The following NOL4 variants were observed in gnomAD, a reference collection of about 807,000 sequenced individuals.
NOL4 encodes cancer/testis antigen 125.
In NOL4, 17 loss-of-function variants were observed where a neutral mutation model predicts 75.9. The ratio of observed to expected loss-of-function variants is 0.22; its 90% CI spans 0.15 to 0.34. The LOEUF (loss-of-function observed/expected upper bound fraction) is 0.34. Among genes scored for constraint, NOL4 ranks in the 10% least tolerant of loss-of-function variants. NOL4 has a pLI of 1.00. For missense variants in NOL4, 614 were observed against 793.5 expected (o/e 0.77, Z 2.72); for synonymous variants, 292 against 289.9 (o/e 1.01, Z -0.07).
chr18:34,065,731 T>A (rs1361800988), intron 5 of NOL4, among the ~76,000 whole-genome samples: 1 of 151,990 alleles, frequency 6.6e-6, no homozygotes, highest in Middle Eastern at 3.2e-3. Flanking sequence ...TAGTACATAG[T>A]ATAATAACTT....
chr18:33,972,025 G>C (rs949990724), intron 6 of NOL4, among the ~76,000 whole-genome samples: 3 of 151,844 alleles, frequency 2.0e-5, no homozygotes, highest in Admixed American at 6.6e-5. Context: ...AAATTAGCTG[G>C]GCGTGGTGGG....
chr18:34,192,086 T>C (rs2146409429), intron 1 of NOL4, among the ~76,000 whole-genome samples: 1 of 152,222 alleles, frequency 6.6e-6, no homozygotes, highest in Middle Eastern at 3.4e-3. Context: ...GCTCTGAAAT[T>C]TTGGCAAGAT....
At chr18:33,955,722 A>G (rs2069593156) in intron 8 of NOL4, among the ~76,000 whole-genome samples, 1 of 152,162 alleles carries the variant, frequency 6.6e-6, no homozygotes, top group African/African-American at 2.4e-5. Context: ...TTCTGAAATC[A>G]GATTTTCTGT....
chr18:34,182,730 A>G (rs2034141197), intron 1 of NOL4, among the ~76,000 whole-genome samples: 1 of 151,648 alleles, frequency 6.6e-6, no homozygotes, highest in Non-Finnish European at 1.5e-5. Flanking sequence ...AAAAAAATTA[A>G]ACTTCTTCTT....
chr18:34,146,912 T>A (rs2081423831), intron 1 of NOL4, among the ~76,000 whole-genome samples: 1 of 152,122 alleles, frequency 6.6e-6, no homozygotes, highest in East Asian at 1.9e-4. Flanking sequence ...TGGTTTGTAG[T>A]TCTCCTTGAA....
At chr18:34,201,210 C>T (rs1353771017) in intron 1 of NOL4, among the ~76,000 whole-genome samples, 1 of 151,762 alleles carries the variant, frequency 6.6e-6, no homozygotes, top group Non-Finnish European at 1.5e-5. Flanking sequence ...TTGGAAATTA[C>T]TTCTATAGCA....
At chr18:34,068,495 G>T (rs1462905089) in intron 5 of NOL4, among the ~76,000 whole-genome samples, 4 of 152,036 alleles carry the variant, frequency 2.6e-5, no homozygotes, top group Admixed American at 2.6e-4. Flanking sequence ...CAACTCCCTG[G>T]TTCTAGCAAT....
chr18:34,105,207 G>A (rs769023145), intron 2 of NOL4, 47 bp from the exon 3 acceptor site: 1 of 1,196,892 alleles, frequency 8.4e-7, no homozygotes, highest in South Asian at 1.2e-5. Context: ...AGCTCACTGA[G>A]CATGATTTAA....
chr18:33,871,819 G>A (rs547406622), intron 10 of NOL4, among the ~76,000 whole-genome samples: 6 of 152,122 alleles, frequency 3.9e-5, no homozygotes, highest in African/African-American at 1.2e-4. Context: ...TACAAGTGCT[G>A]GATAGTTCAG....
intron 9 of NOL4, among the ~76,000 whole-genome samples, chr18:33,933,716 T>C (rs2067856855): frequency 6.6e-6 from 1 of 152,170 alleles, no homozygotes; most frequent in South Asian, 2.1e-4. Context: ...CTTCAGGCTT[T>C]ATTTAATTCT....
intron 1 of NOL4, among the ~76,000 whole-genome samples, chr18:34,160,478 G>C (rs892413409): frequency 6.6e-6 from 1 of 152,056 alleles, no homozygotes; most frequent in Admixed American, 6.6e-5. Context: ...AGATGCTTGT[G>C]AATCTATGTA....
chr18:33,920,286 T>C (rs2066956549), intron 9 of NOL4, among the ~76,000 whole-genome samples: 1 of 152,128 alleles, frequency 6.6e-6, no homozygotes, highest in East Asian at 1.9e-4. Context: ...AATGAATATA[T>C]TGGTTGTACC....
At chr18:33,921,684 G>A (rs1352670599) in intron 9 of NOL4, among the ~76,000 whole-genome samples, 4 of 152,026 alleles carry the variant, frequency 2.6e-5, no homozygotes, top group South Asian at 2.1e-4. Context: ...GAGGGAGCAG[G>A]GCCCTTCTAA....
chr18:34,183,775 T>C (rs1315808530), intron 1 of NOL4: 3 of 151,724 alleles, frequency 2.0e-5, no homozygotes, highest in South Asian at 2.1e-4. Flanking sequence ...AAAGGCAAAA[T>C]AGAGACAAGA....
chr18:34,177,141 T>C (rs1249478771), intron 1 of NOL4, among the ~76,000 whole-genome samples: 1 of 151,956 alleles, frequency 6.6e-6, no homozygotes, highest in Non-Finnish European at 1.5e-5. Flanking sequence ...GCATGTAACA[T>C]GGATGAGTGA....
chr18:33,860,915 T>C (rs1218562827), intron 10 of NOL4, among the ~76,000 whole-genome samples: 1 of 152,134 alleles, frequency 6.6e-6, no homozygotes, highest in Non-Finnish European at 1.5e-5. Flanking sequence ...TCTTTGGTTC[T>C]GTTTATATGC....
chr18:34,097,407 T>C lies in NOL4; in HGVS notation c.640-3810A>G, dbSNP rs376674873. Among the ~76,000 whole-genome samples, 160 of 152,226 alleles carry C rather than the reference T, an allele frequency of 1.1e-3. 1 individual carries two copies. In the South Asian group the frequency reaches 0.031, roughly 29 times the overall value. On this transcript the variant is annotated intron_variant, in intron 4 of 10. Transcript: ENST00000261592. ...AAAATTCATATCCCCAGGTCCCACA[T>C]ATCAGACCTAGAATTAGAATCTTTG...
At chr18:33,952,715 G>A (rs1246551069) in intron 8 of NOL4, among the ~76,000 whole-genome samples, 4 of 152,108 alleles carry the variant, frequency 2.6e-5, no homozygotes, top group East Asian at 1.9e-4. Context: ...ACCTGAGATC[G>A]GGAGTTCAAG....
intron 8 of NOL4, among the ~76,000 whole-genome samples, chr18:33,955,159 G>GT (rs1295969149): frequency 6.6e-6 from 1 of 152,038 alleles, no homozygotes; most frequent in Non-Finnish European, 1.5e-5. Context: ...GTATTATAAA[G>GT]TTTTTATCAA....
Sources: allele counts gnomAD v4.1 joint callset (sites outside exome capture counted in the v4.1 genomes callset), GRCh38; gene constraint gnomAD v4.1.1; transcripts MANE v1.5; gene names NCBI Gene and HGNC (gene_info 2026-07-23, HGNC 2026-07-21).